The following RP1 variants were observed in gnomAD, a reference collection of about 807,000 sequenced individuals.
RP1 encodes RP1 axonemal microtubule associated, also known as oxygen-regulated protein 1.
RP1 carries 16 observed loss-of-function variants against 14.8 expected under a neutral mutation model. The observed-to-expected ratio is 1.08, with a 90% CI of 0.73 to 1.65. RP1 has a LOEUF of 1.65. Ranked by LOEUF, RP1 falls within the 40% of genes most tolerant of loss-of-function variation. RP1 has a pLI of 0.00. For synonymous variants in RP1, 876 were observed against 883.6 expected, an observed-to-expected ratio of 0.99 and a Z score of 0.15; for missense variants, 2,631 against 2,535.0, an observed-to-expected ratio of 1.04 and a Z score of -0.81.
At chr8:54,835,401 A>C (rs1811634356) in intron 24 of RP1, among the ~76,000 whole-genome samples, 1 of 152,204 alleles carries the variant, frequency 6.6e-6, no homozygotes, top group South Asian at 2.1e-4. Context: ...CCATGACACT[A>C]TTCAGTTATT....
In RP1 at chr8:54,791,857, T is replaced by G. The variant is rs191490534; in HGVS notation, c.3615+8147T>G. Among the ~76,000 whole-genome samples, 320 of 152,208 alleles carry G rather than the reference T, an allele frequency of 2.1e-3. 1 individual carries two copies. The highest frequency in any genetic ancestry group is 6.8e-3 in the African/African-American group (283 of 41,580). On this transcript the variant is annotated intron_variant, in intron 24 of 28. Coordinates refer to the RP1 transcript ENST00000637698. ...CAAATGGCAAAGATACGTTTTTAAT[T>G]ATCAATAATTACTTTAAATATAAAT...
At chr8:54,763,176 A>G (rs1340576992) in intron 22 of RP1, among the ~76,000 whole-genome samples, 1 of 152,228 alleles carries the variant, frequency 6.6e-6, no homozygotes, top group African/African-American at 2.4e-5. Flanking sequence ...ACTATTGTGT[A>G]TGCATGTGTA....
chr8:54,682,713 G>A (rs544145521), intron 12 of RP1, among the ~76,000 whole-genome samples: 46 of 151,968 alleles, frequency 3.0e-4, no homozygotes, highest in Non-Finnish European at 6.3e-4. Context: ...TTGTCAGATG[G>A]ATAGTTTGCA....
Position 54,622,153 on chromosome 8 carries a change from G to A in RP1, c.652G>A (p.Ala218Thr), listed in dbSNP as rs145691085. 458 of 1,614,078 alleles carry A rather than the reference G, an allele frequency of 2.8e-4. 2 individuals carry two copies. The highest frequency in any genetic ancestry group is 3.3e-4 in the Non-Finnish European group (391 of 1,180,048). Reference protein sequence around the residue: ...SLQAVILSSGAVVAAGREPFK... With the variant: ...SLQAVILSSGTVVAAGREPFK... Reference sequence around the variant, plus strand: ...CCAGGCAGTGATCCTGAGCTCTGGAGCTGTGGTGGCGGCAGGAAGGGAGCC... The same window carrying A: ...CCAGGCAGTGATCCTGAGCTCTGGAACTGTGGTGGCGGCAGGAAGGGAGCC... Residue 218 changes from alanine to threonine, a missense_variant, in exon 3 of 4, where the codon GCT (alanine) becomes ACT (threonine). By Grantham distance (58) the Ala-to-Thr change is moderately conservative. Transcript: ENST00000220676.
At chr8:54,642,353 A>G (rs1399318237) in intron 3 of RP1, among the ~76,000 whole-genome samples, 4 of 152,156 alleles carry the variant, frequency 2.6e-5, no homozygotes, top group African/African-American at 9.6e-5. Context: ...AGCATGTAGT[A>G]AAAAAATTAG....
chr8:54,797,513 T>C (rs1047639528), intron 24 of RP1, among the ~76,000 whole-genome samples: 2 of 142,790 alleles, frequency 1.4e-5, no homozygotes, highest in Non-Finnish European at 3.0e-5. Context: ...CTAGCTGAAC[T>C]GAGTCACATA....
At chr8:54,805,268 T>C (rs1276784277) in intron 24 of RP1, among the ~76,000 whole-genome samples, 1 of 152,230 alleles carries the variant, frequency 6.6e-6, no homozygotes. Flanking sequence ...AGTTATATAG[T>C]ATATAATTAG....
intron 8 of RP1, among the ~76,000 whole-genome samples, chr8:54,676,385 C>G (rs1807295650): frequency 6.6e-6 from 1 of 152,170 alleles, no homozygotes; most frequent in South Asian, 2.1e-4. Flanking sequence ...CTTGAAGAAC[C>G]TGTGCCATCT....
intron 24 of RP1, among the ~76,000 whole-genome samples, chr8:54,788,521 A>G (rs1306610946): frequency 6.6e-6 from 1 of 151,606 alleles, no homozygotes; most frequent in Non-Finnish European, 1.5e-5. Context: ...GTAACATTTT[A>G]CATTGACTTC....
At chr8:54,686,414 C>A (rs1807564616) in intron 12 of RP1, among the ~76,000 whole-genome samples, 1 of 151,378 alleles carries the variant, frequency 6.6e-6, no homozygotes, top group Admixed American at 6.6e-5. Context: ...CACCATGAAC[C>A]AATATTTCTA....
chr8:54,637,108 T>A lies in RP1; in HGVS notation c.788-11877T>A, dbSNP rs1585574356. Among the ~76,000 whole-genome samples the A allele has an allele frequency of 4.6e-5, 7 of 152,316 alleles. No individual in the cohort carries two copies. The South Asian group carries it at 1.5e-3, about 32-fold the overall frequency. The stretch of plus-strand genomic sequence containing the variant: ...TGCTCTTCCTTCAGCAGGTTGATGT[T>A]GAGGTTAGCCTTGTATGCCCTGTTC... On this transcript the variant is annotated intron_variant, in intron 3 of 22. Transcript: ENST00000636932.
intron 23 of RP1, among the ~76,000 whole-genome samples, chr8:54,782,825 TG>T (rs1472402383): frequency 1.2e-4 from 19 of 152,292 alleles, no homozygotes; most frequent in Admixed American, 6.5e-4. Flanking sequence ...TGTCATGCTC[TG>T]CTTGTCTCAG....
intron 1 of RP1, among the ~76,000 whole-genome samples, chr8:54,596,669 G>A (rs1805155462): frequency 6.6e-6 from 1 of 152,218 alleles, no homozygotes; most frequent in South Asian, 2.1e-4. Context: ...AACAAGGACA[G>A]AGCAAGTACT....
intron 15 of RP1, among the ~76,000 whole-genome samples, chr8:54,718,391 G>A (rs1027843864): frequency 4.1e-4 from 63 of 152,164 alleles, no homozygotes; most frequent in Admixed American, 8.5e-4. Context: ...GAGCAGAATA[G>A]AAAGCCTAGA....
At chr8:54,560,048 G>A (rs1586382323) in intron 1 of RP1, among the ~76,000 whole-genome samples, 1 of 152,106 alleles carries the variant, frequency 6.6e-6, no homozygotes. Context: ...ATTTGCAGCC[G>A]GCAGAATGTA....
chr8:54,641,089 C>G (rs1191387928), intron 3 of RP1, among the ~76,000 whole-genome samples: 1 of 151,680 alleles, frequency 6.6e-6, no homozygotes, highest in Non-Finnish European at 1.5e-5. Context: ...GGACTACAGG[C>G]ACCCGCCACC....
intron 19 of RP1, among the ~76,000 whole-genome samples, chr8:54,753,708 G>A (rs1809431854): frequency 6.6e-6 from 1 of 152,064 alleles, no homozygotes; most frequent in Non-Finnish European, 1.5e-5. Context: ...TTGAGGATTT[G>A]GGATTTTATA....
intron 19 of RP1, among the ~76,000 whole-genome samples, chr8:54,752,453 G>C (rs1189454823): frequency 6.6e-6 from 1 of 152,146 alleles, no homozygotes; most frequent in Non-Finnish European, 1.5e-5. Context: ...ATAGCAACTC[G>C]GTGAGTGCTT....
At chr8:54,801,991 G>T (rs180807036) in intron 24 of RP1, among the ~76,000 whole-genome samples, 1 of 152,242 alleles carries the variant, frequency 6.6e-6, no homozygotes, top group Non-Finnish European at 1.5e-5. Context: ...ATTTAGATGG[G>T]TAGTCAGATT....
Sources: gnomAD v4.1 joint callset for allele counts (sites outside exome capture counted in the v4.1 genomes callset) on GRCh38, gnomAD v4.1.1 for gene constraint, MANE v1.5 for transcripts, NCBI Gene and HGNC (gene_info 2026-07-23, HGNC 2026-07-21) for gene names.